Variants in LRRC8B observed in about 807,000 individuals in gnomAD.
LRRC8B encodes the protein volume-regulated anion channel subunit LRRC8B.
A neutral mutation model predicts 58.8 loss-of-function variants in LRRC8B; 23 were observed. The observed-to-expected ratio is 0.39, with a 90% CI of 0.28 to 0.55. The LOEUF (loss-of-function observed/expected upper bound fraction) is 0.55. Ranked by LOEUF, LRRC8B falls within the 20% of genes least tolerant of loss-of-function variation. LRRC8B has a pLI of 0.62. For synonymous variants in LRRC8B, 359 were observed against 374.1 expected, an observed-to-expected ratio of 0.96 and a Z score of 0.47; for missense variants, 694 against 936.0, an observed-to-expected ratio of 0.74 and a Z score of 3.37.
intron 3 of LRRC8B, among the ~76,000 whole-genome samples, chr1:89,577,123 C>T (rs574792956): frequency 2.6e-5 from 4 of 152,086 alleles, no homozygotes; most frequent in African/African-American, 7.2e-5. Flanking sequence ...TGTAGAGAAC[C>T]GCTATTTGGA....
chr1:89,590,114 G>GT (rs951415049), intron 5 of LRRC8B, among the ~76,000 whole-genome samples: 6 of 151,980 alleles, frequency 3.9e-5, no homozygotes, highest in African/African-American at 9.7e-5. Flanking sequence ...TTTCCCATTG[G>GT]TTTTTTTAGA....
chr1:89,577,677 A>G (rs10922668), intron 3 of LRRC8B, among the ~76,000 whole-genome samples: 60,061 of 151,748 alleles, frequency 0.4, 13,296 homozygotes, highest in South Asian at 0.55. Context: ...GATGTTTTAT[A>G]TATACTTAAA....
At chr1:89,580,282 C>T (rs1654124154) in intron 4 of LRRC8B, among the ~76,000 whole-genome samples, 1 of 152,136 alleles carries the variant, frequency 6.6e-6, no homozygotes, top group African/African-American at 2.4e-5. Flanking sequence ...TTATCTTTAA[C>T]CTGTAACTGA....
intron 3 of LRRC8B, among the ~76,000 whole-genome samples, chr1:89,577,790 A>G (rs1653956934): frequency 2.0e-5 from 3 of 151,764 alleles, no homozygotes; most frequent in Admixed American, 1.3e-4. Context: ...GGAAGACATT[A>G]CAGAAAACTA....
intron 1 of LRRC8B, among the ~76,000 whole-genome samples, chr1:89,540,615 G>A (rs1199794502): frequency 6.6e-6 from 1 of 152,184 alleles, no homozygotes; most frequent in Non-Finnish European, 1.5e-5. Flanking sequence ...TCTGCCAGGG[G>A]TGAGCTTGGA....
chr1:89,573,769 T>C (rs1012581880), intron 3 of LRRC8B, among the ~76,000 whole-genome samples: 3 of 152,232 alleles, frequency 2.0e-5, no homozygotes, highest in African/African-American at 7.2e-5. Context: ...TGTCCTTCAC[T>C]CACTAAATTC....
At chr1:89,559,629 T>TACACACACACAC (rs71084951) in intron 1 of LRRC8B, among the ~76,000 whole-genome samples, 10 of 137,516 alleles carry the variant, frequency 7.3e-5, no homozygotes, top group African/African-American at 2.4e-4. Flanking sequence ...TATATATATA[T>TACACACACACAC]ACACACACAC....
At chr1:89,530,594 A>G (rs944239029) in intron 1 of LRRC8B, among the ~76,000 whole-genome samples, 1 of 152,182 alleles carries the variant, frequency 6.6e-6, no homozygotes, top group African/African-American at 2.4e-5. Context: ...CATCCTTAGC[A>G]AATGGAATTT....
intron 1 of LRRC8B, chr1:89,549,855 G>C (rs1411031472): frequency 6.6e-6 from 1 of 151,946 alleles, no homozygotes; most frequent in Non-Finnish European, 1.5e-5. Context: ...GTCCAACATT[G>C]GCCCAAGTCT....
At chr1:89,530,847 T>C (rs537103940) in intron 1 of LRRC8B, among the ~76,000 whole-genome samples, 1 of 152,188 alleles carries the variant, frequency 6.6e-6, no homozygotes, top group East Asian at 1.9e-4. Context: ...GACAGGTGCT[T>C]TGGGAGGTGC....
intron 3 of LRRC8B, among the ~76,000 whole-genome samples, chr1:89,578,753 G>A (rs1489423287): frequency 6.6e-6 from 1 of 151,652 alleles, no homozygotes. Context: ...TTTTTTTTGA[G>A]GTTTCATAGG....
intron 1 of LRRC8B, among the ~76,000 whole-genome samples, chr1:89,540,846 A>G (rs4658111): frequency 0.19 from 28,440 of 152,210 alleles, 3,097 homozygotes; most frequent in Admixed American, 0.3. Context: ...GAAAAAAGTC[A>G]TAGGATTAAA....
At chr1:89,562,198 C>A (rs1652723656) in intron 1 of LRRC8B, among the ~76,000 whole-genome samples, 1 of 151,328 alleles carries the variant, frequency 6.6e-6, no homozygotes, top group Non-Finnish European at 1.5e-5. Flanking sequence ...GCATTACCAC[C>A]ACCCATCCTC....
chr1:89,540,326 C>T (rs1650862564), intron 1 of LRRC8B, among the ~76,000 whole-genome samples: 1 of 152,170 alleles, frequency 6.6e-6, no homozygotes, highest in South Asian at 2.1e-4. Context: ...GGGCCTGAAA[C>T]TCCTTCTACC....
At chr1:89,543,695 C>T (rs1376218786) in intron 1 of LRRC8B, among the ~76,000 whole-genome samples, 1 of 151,238 alleles carries the variant, frequency 6.6e-6, no homozygotes, top group Non-Finnish European at 1.5e-5. Flanking sequence ...GAGATTTTGC[C>T]ACATTGGTCA....
chr1:89,555,529 G>A (rs1652121188), intron 1 of LRRC8B, among the ~76,000 whole-genome samples: 1 of 152,150 alleles, frequency 6.6e-6, no homozygotes, highest in Admixed American at 6.5e-5. Flanking sequence ...GCATTGATAA[G>A]CATGATACAT....
Position 89,526,378 on chromosome 1 carries a change from C to A in LRRC8B, c.-241+1356C>A, listed in dbSNP as rs1649701823. ...TACAGGGGCCCGCCACCACGCCCAGCTAATTTTTATATTTTTAGTGGTGGC... is the reference window on the plus strand; with the variant it reads ...TACAGGGGCCCGCCACCACGCCCAGATAATTTTTATATTTTTAGTGGTGGC... On this transcript the variant is annotated intron_variant, in intron 1 of 5. Coordinates refer to ENST00000330947, the MANE Select transcript of LRRC8B (RefSeq NM_001369817.2). 2.6e-5 allele frequency among the ~76,000 whole-genome samples: 4 copies of A among 152,310 alleles called. No individual in the cohort carries two copies. In the South Asian group the frequency reaches 8.3e-4, roughly 32 times the overall value.
intron 1 of LRRC8B, among the ~76,000 whole-genome samples, chr1:89,537,002 T>G (rs1303040386): frequency 6.6e-6 from 1 of 152,222 alleles, no homozygotes; most frequent in African/African-American, 2.4e-5. Context: ...CCTGTTCTAT[T>G]TCAGTCATTC....
chr1:89,529,467 A>G (rs1487505452), intron 1 of LRRC8B, among the ~76,000 whole-genome samples: 1 of 148,282 alleles, frequency 6.7e-6, no homozygotes, highest in Non-Finnish European at 1.5e-5. Context: ...CTCCCTCAGT[A>G]TGCAACCATA....
Sources: gnomAD v4.1 joint callset for allele counts (sites outside exome capture counted in the v4.1 genomes callset) on GRCh38, gnomAD v4.1.1 for gene constraint, MANE v1.5 for transcripts, NCBI Gene and HGNC (gene_info 2026-07-23, HGNC 2026-07-21) for gene names.